The following SIK3 variants were observed in gnomAD, a reference collection of about 807,000 sequenced individuals.
SIK3 encodes the protein serine/threonine-protein kinase SIK3.
SIK3 carries 28 observed loss-of-function variants against 144.2 expected under a neutral mutation model. The observed-to-expected ratio is 0.19, with a 90% confidence interval of 0.14 to 0.27. The LOEUF (loss-of-function observed/expected upper bound fraction) is 0.27. Among genes scored for constraint, SIK3 ranks in the 10% least tolerant of loss-of-function variants. The pLI is 1.00. For missense variants in SIK3, 1,319 were observed against 1,776.0 expected (o/e 0.74, Z 4.62); for synonymous variants, 686 against 676.3 (o/e 1.01, Z -0.22).
At chr11:117,087,956 G>T (rs143044484) in intron 1 of SIK3, among the ~76,000 whole-genome samples, 1 of 152,190 alleles carries the variant, frequency 6.6e-6, no homozygotes, top group Admixed American at 6.5e-5. Flanking sequence ...TTGGCCAGGC[G>T]TGATGGCTCA....
intron 1 of SIK3, among the ~76,000 whole-genome samples, chr11:116,962,187 A>G (rs1949371337): frequency 1.3e-5 from 2 of 152,214 alleles, no homozygotes; most frequent in South Asian, 2.1e-4. Flanking sequence ...TAAGATCAAA[A>G]CAAACCACCC....
intron 1 of SIK3, among the ~76,000 whole-genome samples, chr11:117,062,118 A>G (rs902820096): frequency 6.6e-6 from 1 of 152,006 alleles, no homozygotes; most frequent in Non-Finnish European, 1.5e-5. Flanking sequence ...TGAGGTCAGG[A>G]GTTCAAGACC....
chr11:117,024,672 G>GT lies in SIK3; in HGVS notation c.274-67609dup, dbSNP rs1951936245. On this transcript the variant is annotated intron_variant, in intron 1 of 24. Transcript: ENST00000445177. ...CCCAGCACTTCGGGAGGCCAAGGCA[G>GT]TTTGTTTGCTTGAGCTCAGGAGTTC... Among the ~76,000 whole-genome samples the GT allele has an allele frequency of 2.6e-5, 4 of 152,296 alleles. No individual in the cohort carries two copies. The East Asian group carries it at 5.8e-4, about 22-fold the overall frequency.
intron 22 of SIK3, 144 bp from the exon 23 acceptor site, chr11:116,847,752 C>T (rs1942097010): frequency 3.3e-6 from 3 of 910,902 alleles, no homozygotes; most frequent in Non-Finnish European, 5.0e-6. Flanking sequence ...AAGCACCACC[C>T]AAAGGGGGTG....
At chr11:116,955,165 A>C (rs1949092285) in intron 2 of SIK3, among the ~76,000 whole-genome samples, 1 of 152,188 alleles carries the variant, frequency 6.6e-6, no homozygotes. Flanking sequence ...TGGGAGGCCG[A>C]GGTGGGTGGA....
intron 1 of SIK3, among the ~76,000 whole-genome samples, chr11:117,029,128 C>T (rs1256031523): frequency 1.3e-5 from 2 of 152,112 alleles, no homozygotes; most frequent in South Asian, 2.1e-4. Context: ...AGGCTGGTCT[C>T]GAACTCTTGA....
intron 3 of SIK3, among the ~76,000 whole-genome samples, chr11:116,940,605 G>A (rs907503111): frequency 2.6e-5 from 4 of 151,716 alleles, no homozygotes; most frequent in African/African-American, 4.8e-5. Context: ...TTTATGTCAT[G>A]GTAGAAATGA....
At chr11:116,847,984 A>G (rs1363597645) in intron 22 of SIK3, among the ~76,000 whole-genome samples, 6 of 152,228 alleles carry the variant, frequency 3.9e-5, no homozygotes, top group Non-Finnish European at 8.8e-5. Context: ...CCTGTCCAAT[A>G]TGGTAACCAG....
At chr11:116,949,453 C>T (rs1948831520) in intron 3 of SIK3, among the ~76,000 whole-genome samples, 1 of 152,218 alleles carries the variant, frequency 6.6e-6, no homozygotes, top group Non-Finnish European at 1.5e-5. Context: ...GGTCTACAAA[C>T]AATACAATCA....
At chr11:116,946,029 T>G (rs1247065835) in intron 3 of SIK3, among the ~76,000 whole-genome samples, 2 of 152,324 alleles carry the variant, frequency 1.3e-5, no homozygotes, top group East Asian at 3.9e-4. Flanking sequence ...TACACCCACA[T>G]GCATCCTTTA....
chr11:116,937,775 TTG>T (rs1947999164), intron 3 of SIK3, among the ~76,000 whole-genome samples: 1 of 152,176 alleles, frequency 6.6e-6, no homozygotes, highest in Admixed American at 6.5e-5. Context: ...TAGTATAAAC[TTG>T]TTTCATTTTC....
chr11:116,927,143 C>A, intron 4 of SIK3, 76 bp downstream of exon 4: 2 of 1,032,014 alleles, frequency 1.9e-6, no homozygotes, highest in Non-Finnish European at 2.8e-6. Flanking sequence ...GAGATGGAAA[C>A]AGATAATCCC....
intron 1 of SIK3, among the ~76,000 whole-genome samples, chr11:117,031,687 A>ATT (rs57524562): frequency 0.083 from 6,769 of 81,440 alleles, 722 homozygotes; most frequent in South Asian, 0.12. Context: ...CACCCGGCTA[A>ATT]TTTTTTTTTT....
chr11:116,975,711 G>C (rs1949925019), intron 1 of SIK3, among the ~76,000 whole-genome samples: 1 of 151,970 alleles, frequency 6.6e-6, no homozygotes, highest in African/African-American at 2.4e-5. Context: ...ACTTATCTTG[G>C]GTTTATACCT....
chr11:117,085,999 TTC>T (rs1954987481), intron 1 of SIK3, among the ~76,000 whole-genome samples: 1 of 152,186 alleles, frequency 6.6e-6, no homozygotes, highest in Non-Finnish European at 1.5e-5. Flanking sequence ...GAATATATAT[TTC>T]TGATTTTCCT....
intron 3 of SIK3, among the ~76,000 whole-genome samples, chr11:116,947,931 A>G (rs189432708): frequency 1.4e-5 from 2 of 143,808 alleles, no homozygotes; most frequent in Non-Finnish European, 3.0e-5. Flanking sequence ...ATTTCATCTA[A>G]GCTGACTTTT....
At chr11:117,050,503 G>T (rs4938328) in intron 1 of SIK3, among the ~76,000 whole-genome samples, 69,178 of 151,666 alleles carry the variant, frequency 0.46, 19,124 homozygotes, top group Non-Finnish European at 0.64. Flanking sequence ...CTGGCCAACA[G>T]GGTGAAACCC....
In SIK3 at chr11:117,098,419, G is replaced by A. The variant is rs1404475654; in HGVS notation, c.-4C>T. On this transcript the variant is annotated 5_prime_UTR_variant, in exon 1 of 25. Transcript: ENST00000445177. ...CGCTCGCCGCCGCCGCCGCCATCTT[G>A]TTGTGCAGTGAAACCTCCGGGGCCG... The A allele has an allele frequency of 1.4e-5, 16 of 1,150,386 alleles. No homozygotes were observed. The highest frequency in any genetic ancestry group is 1.7e-5 in the Non-Finnish European group (16 of 936,516). 71.3% of individuals were successfully genotyped at this position (1,150,386 alleles called of 1,614,324 possible).
At chr11:116,947,853 C>T (rs1948749172) in intron 3 of SIK3, among the ~76,000 whole-genome samples, 1 of 151,750 alleles carries the variant, frequency 6.6e-6, no homozygotes, top group Admixed American at 6.6e-5. Flanking sequence ...CATGAGCCAC[C>T]GTGCCTGGCC....
Sources: allele counts gnomAD v4.1 joint callset (sites outside exome capture counted in the v4.1 genomes callset), GRCh38; gene constraint gnomAD v4.1.1; transcripts MANE v1.5; gene names NCBI Gene and HGNC (gene_info 2026-07-23, HGNC 2026-07-21).